The following PCSK5 variants were observed in gnomAD, a reference collection of about 807,000 sequenced individuals.
PCSK5 encodes prohormone convertase 5.
In PCSK5, 129 loss-of-function variants were observed where a neutral mutation model predicts 233.2. The observed-to-expected ratio is 0.55, with a 90% CI of 0.48 to 0.64. The LOEUF (loss-of-function observed/expected upper bound fraction) is 0.64, where lower values mean the gene tolerates loss of function less well. PCSK5 is among the 30% of genes least tolerant of loss of function. PCSK5 has a pLI of 0.00. For synonymous variants in PCSK5, 825 were observed against 879.2 expected, an observed-to-expected ratio of 0.94 and a Z score of 1.09; for missense variants, 2,076 against 2,430.1, an observed-to-expected ratio of 0.85 and a Z score of 3.06.
At chr9:75,930,353 T>C (rs532204377) in intron 1 of PCSK5, among the ~76,000 whole-genome samples, 19 of 152,178 alleles carry the variant, frequency 1.2e-4, no homozygotes, top group African/African-American at 3.9e-4. Context: ...GTCAGTGTGA[T>C]TTGAGGTGAG....
At chr9:76,248,099 A>AAC (rs1826677288) in intron 24 of PCSK5, among the ~76,000 whole-genome samples, 2 of 151,994 alleles carry the variant, frequency 1.3e-5, no homozygotes, top group Admixed American at 6.6e-5. Flanking sequence ...CTTTTTTAAA[A>AAC]AAATTTTTTT....
In PCSK5 at chr9:75,961,819, A is replaced by G. The variant is rs529237862; in HGVS notation, c.298-24313A>G. ...GGATATGCTGGGTTAAATAAAGCAT[A>G]TTGTTAAAAAATCATCTCAACTGTT... is the stretch of plus-strand genomic sequence containing the variant. On this transcript the variant is annotated intron_variant, in intron 2 of 37. Coordinates refer to ENST00000674117, the MANE Select transcript of PCSK5 (RefSeq NM_001372043.1). Among the ~76,000 whole-genome samples the G allele has an allele frequency of 4.6e-5, 7 of 152,350 alleles. No homozygotes were observed. The South Asian group carries it at 1.4e-3, about 32-fold the overall frequency.
intron 3 of PCSK5, among the ~76,000 whole-genome samples, chr9:76,014,947 GGAGAAAGAGA>G (rs1035319590): frequency 5.3e-5 from 8 of 152,004 alleles, no homozygotes; most frequent in East Asian, 1.9e-4. Flanking sequence ...ATATATATCT[GGAGAAAGAGA>G]GAGAAAGAGA....
At chr9:75,989,642 A>G (rs961550560) in intron 3 of PCSK5, among the ~76,000 whole-genome samples, 6 of 152,176 alleles carry the variant, frequency 3.9e-5, no homozygotes, top group African/African-American at 1.2e-4. Context: ...CTAGACTTCA[A>G]GGTGGCCCAG....
chr9:75,900,890 C>A (rs1430319950), intron 1 of PCSK5, among the ~76,000 whole-genome samples: 3 of 151,966 alleles, frequency 2.0e-5, no homozygotes, highest in African/African-American at 7.2e-5. Flanking sequence ...TTTGAGAGGG[C>A]AGTGCCTCAT....
rs1587317421 is a variant in PCSK5 at position 75,891,821 on chromosome 9, C to T, written c.192+448C>T. On this transcript the variant is annotated intron_variant, in intron 1 of 37. Transcript: ENST00000674117. ...TGCCTGCGGGGAAGGGAAAGCCTTT[C>T]CTGCTCGGACCTGAATTTAGCCCAG... Among the ~76,000 whole-genome samples the T allele has an allele frequency of 2.0e-5, 3 of 152,038 alleles. 1 individual carries two copies. Among genetic ancestry groups the T allele is most frequent in the Admixed American group, 2.0e-4 (3 of 15,272 alleles).
chr9:76,075,738 A>T (rs1397197418), intron 7 of PCSK5, among the ~76,000 whole-genome samples: 1 of 152,232 alleles, frequency 6.6e-6, no homozygotes, highest in African/African-American at 2.4e-5. Context: ...TAATTCCTTC[A>T]GTTAGCTGGC....
intron 5 of PCSK5, among the ~76,000 whole-genome samples, chr9:76,038,512 G>A (rs919922846): frequency 9.9e-5 from 15 of 152,138 alleles, no homozygotes; most frequent in African/African-American, 3.6e-4. Context: ...TCCCTTTAAT[G>A]TTTTCCAAAG....
At chr9:76,046,180 T>G (rs980470835) in intron 5 of PCSK5, among the ~76,000 whole-genome samples, 11 of 122,816 alleles carry the variant, frequency 9.0e-5, no homozygotes, top group South Asian at 2.9e-4. Flanking sequence ...TTTTTTTTTT[T>G]TTTTTTTTTT....
At chr9:76,239,297 A>G in intron 23 of PCSK5, 132 bp downstream of exon 23, 1 of 686,800 alleles carries the variant, frequency 1.5e-6, no homozygotes, top group South Asian at 1.8e-5. Flanking sequence ...GTGACTCCCA[A>G]CCCTAGTGGG....
chr9:76,083,123 C>T lies in PCSK5; in HGVS notation c.894+11225C>T, dbSNP rs148584440. 1.4e-3 allele frequency among the ~76,000 whole-genome samples: 203 copies of T among 146,972 alleles called. 5 individuals carry two copies. The East Asian group carries it at 0.036, about 26-fold the overall frequency. ...GTTCAGGAGGCTAAGGCAGGCGAAT[C>T]GCTTGAACCCGGGAGGCCAGTGTTG... On this transcript the variant is annotated intron_variant, in intron 7 of 37. Coordinates refer to ENST00000674117, the MANE Select transcript of PCSK5 (RefSeq NM_001372043.1).
intron 24 of PCSK5, among the ~76,000 whole-genome samples, chr9:76,243,738 C>A (rs1826497398): frequency 6.6e-6 from 1 of 151,254 alleles, no homozygotes. Context: ...ATGCTCTGAA[C>A]TAGCAGAGTG....
chr9:76,008,966 A>G (rs1827601043), intron 3 of PCSK5, among the ~76,000 whole-genome samples: 1 of 152,346 alleles, frequency 6.6e-6, no homozygotes, highest in South Asian at 2.1e-4. Context: ...TGTCACATCC[A>G]ATATATGGGA....
intron 2 of PCSK5, among the ~76,000 whole-genome samples, chr9:75,949,628 AGC>A (rs1824749463): frequency 1.3e-5 from 2 of 152,080 alleles, no homozygotes; most frequent in Non-Finnish European, 2.9e-5. Flanking sequence ...CCTGGGTTCA[AGC>A]AATTCCCCTG....
chr9:75,962,678 G>A (rs189040017), intron 2 of PCSK5, among the ~76,000 whole-genome samples: 38 of 152,324 alleles, frequency 2.5e-4, no homozygotes, highest in Admixed American at 1.2e-3. Flanking sequence ...TTTGGAAGCT[G>A]ATCGAGAACC....
chr9:76,136,961 A>G (rs1385337407), intron 10 of PCSK5, among the ~76,000 whole-genome samples: 1 of 152,080 alleles, frequency 6.6e-6, no homozygotes, highest in Non-Finnish European at 1.5e-5. Flanking sequence ...CCAAAACCCT[A>G]CCAAATCCAT....
At chr9:76,101,657 G>C (rs1831763460) in intron 8 of PCSK5, among the ~76,000 whole-genome samples, 1 of 152,146 alleles carries the variant, frequency 6.6e-6, no homozygotes, top group Non-Finnish European at 1.5e-5. Context: ...GGGGTTCTCT[G>C]AGCCAGAGTT....
intron 2 of PCSK5, among the ~76,000 whole-genome samples, chr9:75,969,670 A>C (rs1054355416): frequency 7.2e-5 from 11 of 152,224 alleles, no homozygotes; most frequent in Admixed American, 5.2e-4. Flanking sequence ...AGCTTGGTTC[A>C]CGAACGCGTT....
chr9:76,158,150 C>G (rs559976351), intron 11 of PCSK5, among the ~76,000 whole-genome samples: 2 of 151,362 alleles, frequency 1.3e-5, no homozygotes, highest in African/African-American at 4.9e-5. Flanking sequence ...AGGTATCACA[C>G]CAAAAAAAAT....
Sources: gnomAD v4.1 joint callset for allele counts (sites outside exome capture counted in the v4.1 genomes callset) on GRCh38, gnomAD v4.1.1 for gene constraint, MANE v1.5 for transcripts, NCBI Gene and HGNC (gene_info 2026-07-23, HGNC 2026-07-21) for gene names.